ENTREP1: variants seen among roughly 807,000 people sequenced by gnomAD.
ENTREP1 encodes Friedreich ataxia region gene X123.
At chr9:69,324,773 G>T in the ENTREP1 span, 1 of 985,528 alleles carries the variant, frequency 1.0e-6, no homozygotes, top group African/African-American at 1.7e-5. Context: ...TTTAAGGGCG[G>T]GCCCCCTTCT....
At chr9:69,355,330 A>C in the ENTREP1 span, among the ~76,000 whole-genome samples, 1 of 152,208 alleles carries the variant, frequency 6.6e-6, no homozygotes, top group Non-Finnish European at 1.5e-5. Flanking sequence ...GCATTGTATC[A>C]GACACATATA....
chr9:69,389,257 T>C, the ENTREP1 span, among the ~76,000 whole-genome samples: 1 of 152,202 alleles, frequency 6.6e-6, no homozygotes, highest in African/African-American at 2.4e-5. Flanking sequence ...CTTTGGGCAT[T>C]AAATGGCTAA....
chr9:69,385,719 C>A, the ENTREP1 span: 215 of 1,434,338 alleles, frequency 1.5e-4, 2 homozygotes, highest in Middle Eastern at 2.5e-4. Flanking sequence ...TGTTTCCTGC[C>A]CATTTTGAGG....
chr9:69,390,871 G>GCTCAAGTAATCCTTCTGC, the ENTREP1 span, among the ~76,000 whole-genome samples: 1 of 152,030 alleles, frequency 6.6e-6, no homozygotes, highest in Admixed American at 6.6e-5. Context: ...GAACTCCTGG[G>GCTCAAGTAATCCTTCTGC]CTCAAGTAAT....
chr9:69,370,926 A>AT, the ENTREP1 span, among the ~76,000 whole-genome samples: 1 of 152,270 alleles, frequency 6.6e-6, no homozygotes, highest in African/African-American at 2.4e-5. Flanking sequence ...ACTACTATCA[A>AT]TTTTTTAATT....
chr9:69,341,390 G>A, the ENTREP1 span, among the ~76,000 whole-genome samples: 4 of 152,024 alleles, frequency 2.6e-5, no homozygotes, highest in Admixed American at 6.6e-5. Context: ...TTTAAAAAAT[G>A]GTCTTTCAGT....
chr9:69,340,634 T>C, the ENTREP1 span, among the ~76,000 whole-genome samples: 2 of 112,734 alleles, frequency 1.8e-5, no homozygotes, highest in East Asian at 4.8e-4. Context: ...CATGTGTGTG[T>C]GCGTGCATGT....
At chr9:69,385,750 TTA>T in the ENTREP1 span, 1 of 1,466,004 alleles carries the variant, frequency 6.8e-7, no homozygotes, top group South Asian at 1.4e-5. Flanking sequence ...GTGAGATAAT[TTA>T]TGTTTCGCCT....
chr9:69,383,487 C>T, the ENTREP1 span: 2 of 1,506,828 alleles, frequency 1.3e-6, no homozygotes, highest in Non-Finnish European at 1.8e-6. Flanking sequence ...CTATTATTCT[C>T]CCTCTCCTGG....
At chr9:69,380,084 G>A in the ENTREP1 span, 1 of 152,238 alleles carries the variant, frequency 6.6e-6, no homozygotes, top group East Asian at 1.9e-4. Context: ...GAAGGAGGGA[G>A]TTAAAGCAAA....
At chr9:69,336,943 C>A in the ENTREP1 span, among the ~76,000 whole-genome samples, 2 of 151,682 alleles carry the variant, frequency 1.3e-5, no homozygotes, top group Non-Finnish European at 2.9e-5. Flanking sequence ...CGTGATCCTC[C>A]CGCCTTGGCC....
At chr9:69,324,802 CCT>C in the ENTREP1 span, 1 of 985,318 alleles carries the variant, frequency 1.0e-6, no homozygotes. Flanking sequence ...CGCGCCAGGG[CCT>C]CTCTCGTGGC....
chr9:69,375,910 C>T, the ENTREP1 span: 4 of 1,568,004 alleles, frequency 2.6e-6, no homozygotes, highest in Middle Eastern at 1.7e-4. Flanking sequence ...CACCACGGAG[C>T]CCCCAAAGAA....
the ENTREP1 span, chr9:69,388,371 T>C: frequency 6.2e-7 from 1 of 1,614,146 alleles, no homozygotes; most frequent in East Asian, 2.2e-5. Flanking sequence ...CATGAACTTG[T>C]AGAAAACATT....
the ENTREP1 span, among the ~76,000 whole-genome samples, chr9:69,354,254 A>ATTTTT: frequency 0.018 from 1,851 of 105,536 alleles, 101 homozygotes; most frequent in African/African-American, 0.023. Context: ...CTATTGCAAC[A>ATTTTT]TTTTTTTTTT....
the ENTREP1 span, chr9:69,386,135 T>C: frequency 8.6e-6 from 4 of 464,140 alleles, no homozygotes; most frequent in Non-Finnish European, 1.4e-5. Context: ...CCATGTCTTT[T>C]AAGGATGGTA....
chr9:69,328,086 C>T, the ENTREP1 span, among the ~76,000 whole-genome samples: 108,099 of 151,976 alleles, frequency 0.71, 38,897 homozygotes, highest in South Asian at 0.8. Flanking sequence ...ATGCAGTATA[C>T]GATGAACCCA....
chr9:69,352,626 A>G, the ENTREP1 span, among the ~76,000 whole-genome samples: 1 of 152,224 alleles, frequency 6.6e-6, no homozygotes, highest in African/African-American at 2.4e-5. Context: ...GCCCAAGGTC[A>G]CATAGCTAGA....
chr9:69,387,568 C>T, the ENTREP1 span: 1 of 195,184 alleles, frequency 5.1e-6, no homozygotes. Context: ...ATGATGTGTA[C>T]TTTTTCTGCA....
Sources: gnomAD v4.1 joint callset for allele counts (sites outside exome capture counted in the v4.1 genomes callset) on GRCh38, gnomAD v4.1.1 for gene constraint, MANE v1.5 for transcripts, NCBI Gene and HGNC (gene_info 2026-07-23, HGNC 2026-07-21) for gene names.